Variants in ITPR1 observed in about 807,000 individuals in gnomAD.
ITPR1 encodes the protein inositol 1,4,5-trisphosphate-gated calcium channel ITPR1.
ITPR1 carries 96 observed loss-of-function variants against 318.4 expected under a neutral mutation model. The ratio of observed to expected loss-of-function variants is 0.30; its 90% CI spans 0.26 to 0.36. The LOEUF (loss-of-function observed/expected upper bound fraction) is 0.36. Among genes scored for constraint, ITPR1 ranks in the 10% least tolerant of loss-of-function variants. The pLI is 1.00. For missense variants in ITPR1, 2,440 were observed against 3,460.2 expected (o/e 0.71, Z 7.40); for synonymous variants, 1,312 against 1,289.9 (o/e 1.02, Z -0.37).
intron 12 of ITPR1, among the ~76,000 whole-genome samples, chr3:4,655,961 C>T (rs937531653): frequency 2.0e-5 from 3 of 152,136 alleles, no homozygotes; most frequent in African/African-American, 7.2e-5. Context: ...TGGAAAACCT[C>T]GAATTTTTTT....
At chr3:4,602,716 A>G (rs1221814064) in intron 4 of ITPR1, among the ~76,000 whole-genome samples, 1 of 152,168 alleles carries the variant, frequency 6.6e-6, no homozygotes, top group African/African-American at 2.4e-5. Context: ...TACAACATGC[A>G]TGAACCTTGC....
chr3:4,631,547 T>C (rs1458868597), intron 5 of ITPR1, among the ~76,000 whole-genome samples: 1 of 152,178 alleles, frequency 6.6e-6, no homozygotes, highest in East Asian at 1.9e-4. Flanking sequence ...AATTATATTT[T>C]GGGGATTTTG....
intron 57 of ITPR1, chr3:4,814,157 C>A: frequency 2.2e-6 from 1 of 445,176 alleles, no homozygotes; most frequent in Non-Finnish European, 4.2e-6. Context: ...GGTTTAAAAC[C>A]TGAAAAGGAC....
intron 15 of ITPR1, 133 bp downstream of exon 15, chr3:4,662,375 C>A: frequency 1.5e-6 from 1 of 657,324 alleles, no homozygotes; most frequent in Non-Finnish European, 2.3e-6. Context: ...TTATGGGTGG[C>A]TTCAATGTGT....
At chr3:4,571,867 G>A (rs952331612) in intron 4 of ITPR1, among the ~76,000 whole-genome samples, 1 of 152,054 alleles carries the variant, frequency 6.6e-6, no homozygotes, top group African/African-American at 2.4e-5. Flanking sequence ...GCTCCTCTCT[G>A]TTTCTCCCCC....
intron 44 of ITPR1, chr3:4,751,380 C>T (rs1365534602): frequency 6.6e-6 from 1 of 152,152 alleles, no homozygotes; most frequent in Non-Finnish European, 1.5e-5. Context: ...GGGAGTGGCC[C>T]CCTGCACCCT....
intron 37 of ITPR1, among the ~76,000 whole-genome samples, chr3:4,709,628 A>G (rs56879144): frequency 2.5e-3 from 376 of 152,326 alleles, no homozygotes; most frequent in African/African-American, 8.6e-3. Context: ...ATTTGCCTTC[A>G]AATGGTGTTT....
At chr3:4,765,360 G>A (rs1482289579) in intron 44 of ITPR1, among the ~76,000 whole-genome samples, 1 of 152,202 alleles carries the variant, frequency 6.6e-6, no homozygotes, top group Non-Finnish European at 1.5e-5. Context: ...TGGGCAGACA[G>A]GACAGATGTT....
At position 4,702,704 on chromosome 3, in the gene ITPR1, C is replaced by G. The variant is rs533107764; in HGVS notation, c.4537-126C>G. 15 of 1,031,320 alleles carry G rather than the reference C, an allele frequency of 1.5e-5. No individual in the cohort carries two copies. In the African/African-American group the frequency reaches 2.2e-4, roughly 15 times the overall value. The allele number at this position is 1,031,320 out of a possible 1,614,324, so 63.9% of individuals were successfully genotyped here. ...TCACCCTTGCCTCAGGGTCCATTAA[C>G]AAGGCAGTGTCTGTCTCTGATCTGG... is the stretch of plus-strand genomic sequence containing the variant. On this transcript the variant is annotated intron_variant, in intron 35 of 61. Coordinates refer to ENST00000649015, the MANE Select transcript of ITPR1 (RefSeq NM_001378452.1).
intron 4 of ITPR1, among the ~76,000 whole-genome samples, chr3:4,611,739 C>T (rs2092135536): frequency 6.6e-6 from 1 of 151,978 alleles, no homozygotes; most frequent in Non-Finnish European, 1.5e-5. Context: ...GCGAGACCTT[C>T]TCTCAAAAAA....
chr3:4,833,081 C>A (rs993522851), intron 60 of ITPR1, among the ~76,000 whole-genome samples: 1 of 152,204 alleles, frequency 6.6e-6, no homozygotes, highest in African/African-American at 2.4e-5. Context: ...ATCTTTAGAT[C>A]CTCAGCGCTC....
chr3:4,503,851 A>G (rs2081212945), intron 2 of ITPR1, among the ~76,000 whole-genome samples: 1 of 152,154 alleles, frequency 6.6e-6, no homozygotes, highest in Admixed American at 6.5e-5. Flanking sequence ...GGTTTGGGCT[A>G]TGTGGGCAGA....
intron 4 of ITPR1, among the ~76,000 whole-genome samples, chr3:4,609,089 T>TATACACACAC (rs1171860541): frequency 3.1e-3 from 285 of 91,882 alleles, no homozygotes; most frequent in Middle Eastern, 6.4e-3. Flanking sequence ...TATATATATA[T>TATACACACAC]ACACACACAC....
intron 18 of ITPR1, 66 bp downstream of exon 18, chr3:4,667,615 T>C (rs2093979421): frequency 6.9e-7 from 1 of 1,449,578 alleles, no homozygotes. Flanking sequence ...ACTTAGCTGG[T>C]GCTTTTTACT....
chr3:4,748,055 C>G (rs958837357), intron 44 of ITPR1, among the ~76,000 whole-genome samples: 1 of 152,222 alleles, frequency 6.6e-6, no homozygotes, highest in Non-Finnish European at 1.5e-5. Flanking sequence ...AAGTGCCCAG[C>G]ACTGTGCGTG....
At chr3:4,531,087 T>C (rs1375404824) in intron 4 of ITPR1, among the ~76,000 whole-genome samples, 5 of 152,198 alleles carry the variant, frequency 3.3e-5, no homozygotes, top group Admixed American at 2.0e-4. Context: ...CATTTTACAG[T>C]TGGGCACCCT....
In ITPR1 at chr3:4,709,381, C is replaced by T. The variant is rs1574959104; in HGVS notation, c.4843-944C>T. ...GTTAAATCTAAGATTAAATTATCTT[C>T]ATGTCATTAGTTTCTGGATGAAAGA... On this transcript the variant is annotated intron_variant, in intron 37 of 61. Transcript: ENST00000649015. Among the ~76,000 whole-genome samples, 4 of 152,316 alleles carry T rather than the reference C, an allele frequency of 2.6e-5. No homozygotes were observed. In the South Asian group the frequency reaches 8.3e-4, roughly 32 times the overall value.
chr3:4,581,904 CTGTT>C (rs1012953239), intron 4 of ITPR1, among the ~76,000 whole-genome samples: 8 of 150,464 alleles, frequency 5.3e-5, no homozygotes, highest in African/African-American at 1.7e-4. Context: ...AAGAAATAGT[CTGTT>C]TGGGTCTTGA....
chr3:4,670,096 A>G (rs2094041196), intron 19 of ITPR1, among the ~76,000 whole-genome samples: 1 of 152,246 alleles, frequency 6.6e-6, no homozygotes, highest in Non-Finnish European at 1.5e-5. Flanking sequence ...TTCAAATGAC[A>G]TAATGAATAT....
Sources: gnomAD v4.1 joint callset for allele counts (sites outside exome capture counted in the v4.1 genomes callset) on GRCh38, gnomAD v4.1.1 for gene constraint, MANE v1.5 for transcripts, NCBI Gene and HGNC (gene_info 2026-07-23, HGNC 2026-07-21) for gene names.